The following GALNT18 variants were observed in gnomAD, a reference collection of about 807,000 sequenced individuals.
GALNT18 encodes GalNAc-transferase 18.
Under a neutral mutation model 69.5 loss-of-function variants are expected in GALNT18, and 44 were observed. The ratio of observed to expected loss-of-function variants is 0.63; its 90% CI spans 0.50 to 0.81. GALNT18 has a LOEUF of 0.81. Ranked by LOEUF, GALNT18 falls within the 40% of genes least tolerant of loss-of-function variation. The probability of loss-of-function intolerance (pLI) is 0.00; values close to 1 mark genes in which losing one functional copy is unlikely to be tolerated. For missense variants in GALNT18, 715 were observed against 810.0 expected, an observed-to-expected ratio of 0.88 and a Z score of 1.42; for synonymous variants, 364 against 318.2, an observed-to-expected ratio of 1.14 and a Z score of -1.53.
chr11:11,398,076 A>G (rs887981443), intron 3 of GALNT18, among the ~76,000 whole-genome samples: 4 of 152,234 alleles, frequency 2.6e-5, no homozygotes, highest in African/African-American at 9.6e-5. Context: ...GCATTATTTA[A>G]TCTTCAAAAC....
At chr11:11,391,325 A>C (rs570344550) in intron 3 of GALNT18, among the ~76,000 whole-genome samples, 1 of 152,256 alleles carries the variant, frequency 6.6e-6, no homozygotes, top group African/African-American at 2.4e-5. Flanking sequence ...TGATCACTCT[A>C]TTAGGTAAGT....
Position 11,421,369 on chromosome 11 carries a change from A to C in GALNT18, c.595+11252T>G, listed in dbSNP as rs903233160. ...AGGCATCACTAAGGATGCTCATTTC[A>C]GGAGGAGCTTATCGGTGGGAAGTCC... On this transcript the variant is annotated intron_variant, in intron 3 of 10. Transcript: ENST00000227756. This position sits in a 1 kb window ranked among gnomAD's most constrained non-coding sequence, Gnocchi z 5.6. 6.6e-6 allele frequency among the ~76,000 whole-genome samples: 1 copy of C among 152,168 alleles called. No individual in the cohort carries two copies. The highest frequency in any genetic ancestry group is 6.5e-5 in the Admixed American group (1 of 15,284).
chr11:11,422,368 G>A (rs899155340), intron 3 of GALNT18, among the ~76,000 whole-genome samples: 2 of 152,224 alleles, frequency 1.3e-5, no homozygotes, highest in Non-Finnish European at 2.9e-5. Flanking sequence ...ACTGGGTGGT[G>A]TGCACCCCAA....
rs1181862298 is a variant in GALNT18 at position 11,383,559 on chromosome 11, A to G, written c.596-4295T>C. ...TCCTCACCTCTCCCTCAAGGTTCAG[A>G]TGAGCATTTCCCACATCTTCTCTAG... On this transcript the variant is annotated intron_variant, in intron 3 of 10. Transcript: ENST00000227756. This position sits in a 1 kb window ranked among gnomAD's most constrained non-coding sequence, Gnocchi z 5.2. Among the ~76,000 whole-genome samples, 1 of 152,184 alleles carries G rather than the reference A, an allele frequency of 6.6e-6. No homozygotes were observed. The highest frequency in any genetic ancestry group is 1.5e-5 in the Non-Finnish European group (1 of 68,026).
chr11:11,557,138 T>A (rs753886049), intron 1 of GALNT18, among the ~76,000 whole-genome samples: 1 of 152,172 alleles, frequency 6.6e-6, no homozygotes, highest in Non-Finnish European at 1.5e-5. Flanking sequence ...AACTCCAGGG[T>A]GTCACAGAGG....
At chr11:11,520,655 G>A (rs1428377046) in intron 1 of GALNT18, among the ~76,000 whole-genome samples, 1 of 152,190 alleles carries the variant, frequency 6.6e-6, no homozygotes, top group Admixed American at 6.5e-5. Flanking sequence ...ACCTCTGGGA[G>A]CAGGAGAAAG....
At chr11:11,348,528 A>T (rs944644985) in intron 6 of GALNT18, among the ~76,000 whole-genome samples, 1 of 152,124 alleles carries the variant, frequency 6.6e-6, no homozygotes, top group African/African-American at 2.4e-5. Flanking sequence ...ACCTCCCTCC[A>T]AAATATCTCA....
chr11:11,476,966 A>G (rs1455501128), intron 1 of GALNT18, among the ~76,000 whole-genome samples: 2 of 152,194 alleles, frequency 1.3e-5, no homozygotes, highest in Non-Finnish European at 2.9e-5. Flanking sequence ...GGGTCTATGA[A>G]GAGGATTTCT....
rs896390381 is a variant in GALNT18, at chr11:11,617,465, A to G, written c.235+3894T>C. 3.9e-5 allele frequency among the ~76,000 whole-genome samples: 6 copies of G among 152,334 alleles called. No homozygotes were observed. Among genetic ancestry groups the G allele is most frequent in the Admixed American group, 6.5e-5 (1 of 15,304 alleles). ...TAAATGTTAAACCAATAAACTATGT[A>G]GCAAATATGGAAAAAATAGTGCTTC... On this transcript the variant is annotated intron_variant, in intron 1 of 10. Transcript: ENST00000227756. The surrounding 1 kb of genome is among the most constrained non-coding windows in gnomAD (Gnocchi z 4.7).
chr11:11,343,102 G>C (rs1266172108), intron 6 of GALNT18, among the ~76,000 whole-genome samples: 2 of 152,154 alleles, frequency 1.3e-5, no homozygotes, highest in Non-Finnish European at 2.9e-5. Context: ...CCAGCACTTT[G>C]GGAGGCTGAG....
intron 1 of GALNT18, among the ~76,000 whole-genome samples, chr11:11,468,318 G>C (rs1404199582): frequency 2.0e-5 from 3 of 152,160 alleles, no homozygotes; most frequent in African/African-American, 4.8e-5. Flanking sequence ...GTTGTTGAGG[G>C]CTCCTGAATA....
intron 9 of GALNT18, among the ~76,000 whole-genome samples, chr11:11,322,538 C>A (rs1849855998): frequency 6.6e-6 from 1 of 152,178 alleles, no homozygotes; most frequent in Non-Finnish European, 1.5e-5. Context: ...TGCTGAAAAC[C>A]CAGGTGCCCG....
intron 6 of GALNT18, among the ~76,000 whole-genome samples, chr11:11,362,311 A>G (rs1850660595): frequency 6.6e-6 from 1 of 152,216 alleles, no homozygotes. Context: ...GAAGAAAAAA[A>G]GTTTGCTTAC....
At chr11:11,425,622 T>A (rs1855110388) in intron 3 of GALNT18, among the ~76,000 whole-genome samples, 1 of 152,156 alleles carries the variant, frequency 6.6e-6, no homozygotes, top group African/African-American at 2.4e-5. Flanking sequence ...AAAACTTTTT[T>A]TTTTTCCCCA....
intron 6 of GALNT18, among the ~76,000 whole-genome samples, chr11:11,367,075 T>G (rs1850789272): frequency 6.6e-6 from 1 of 152,176 alleles, no homozygotes. Context: ...GTGGAGCCAG[T>G]CAGCTTCACT....
intron 1 of GALNT18, among the ~76,000 whole-genome samples, chr11:11,464,205 C>T (rs1034385880): frequency 6.6e-6 from 1 of 152,234 alleles, no homozygotes; most frequent in African/African-American, 2.4e-5. Context: ...AAAGTCTAAA[C>T]TTTCTTCCAT....
chr11:11,550,153 C>T (rs1024053728), intron 1 of GALNT18, among the ~76,000 whole-genome samples: 12 of 152,236 alleles, frequency 7.9e-5, no homozygotes, highest in African/African-American at 2.9e-4. Context: ...AGGGACTGCT[C>T]AGCTCTGAGC....
At position 11,421,978 on chromosome 11, in the gene GALNT18, G is replaced by A. The variant is rs914839402; in HGVS notation, c.595+10643C>T. On this transcript the variant is annotated intron_variant, in intron 3 of 10. Transcript: ENST00000227756. This position sits in a 1 kb window ranked among gnomAD's most constrained non-coding sequence, Gnocchi z 5.6. ...AATCATGCATGGCAGCTGAGAGGTA[G>A]GTTCAGAAATGGACACAGTTGAATC... Among the ~76,000 whole-genome samples the A allele has an allele frequency of 1.4e-4, 21 of 152,170 alleles. No individual in the cohort carries two copies. Among genetic ancestry groups the A allele is most frequent in the Admixed American group, 4.6e-4 (7 of 15,284 alleles).
At position 11,583,678 on chromosome 11, in the gene GALNT18, A is replaced by T. The variant is rs552474259; in HGVS notation, c.235+37681T>A. Among the ~76,000 whole-genome samples the T allele has an allele frequency of 1.1e-4, 16 of 152,250 alleles. No individual in the cohort carries two copies. In the East Asian group the frequency reaches 2.3e-3, roughly 22 times the overall value. The stretch of plus-strand genomic sequence containing the variant: ...AATGCCGACATTTTGAAGAACACAC[A>T]CCAAGATATTTCCAAAGCCCTGACC... On this transcript the variant is annotated intron_variant, in intron 1 of 10. Transcript: ENST00000227756. The surrounding 1 kb of genome is among the most constrained non-coding windows in gnomAD (Gnocchi z 4.7).
Sources: gnomAD v4.1 joint callset for allele counts (sites outside exome capture counted in the v4.1 genomes callset) on GRCh38, gnomAD v4.1.1 for gene constraint, Gnocchi (gnomAD v3.1) non-coding constraint, MANE v1.5 for transcripts, NCBI Gene and HGNC (gene_info 2026-07-23, HGNC 2026-07-21) for gene names.